The following INTS15 variants were observed in gnomAD, a reference collection of about 807,000 sequenced individuals.
INTS15 encodes the protein integrator complex subunit 15.
At chr7:6,601,699 CA>C in the INTS15 span, among the ~76,000 whole-genome samples, 1 of 151,808 alleles carries the variant, frequency 6.6e-6, no homozygotes, top group African/African-American at 2.4e-5. Context: ...CTCTGTTGCC[CA>C]GTCTGGAGTG....
the INTS15 span, among the ~76,000 whole-genome samples, chr7:6,600,897 A>G: frequency 4.6e-5 from 7 of 152,158 alleles, no homozygotes; most frequent in Non-Finnish European, 7.4e-5. Flanking sequence ...TCTACCATCC[A>G]AAGTGCTGGG....
chr7:6,596,632 G>T, the INTS15 span, among the ~76,000 whole-genome samples: 1 of 151,902 alleles, frequency 6.6e-6, no homozygotes, highest in East Asian at 1.9e-4. Context: ...ACCTGGCTCA[G>T]TCTCCCAAAG....
the INTS15 span, among the ~76,000 whole-genome samples, chr7:6,603,956 C>T: frequency 2.6e-5 from 4 of 151,656 alleles, no homozygotes; most frequent in African/African-American, 4.8e-5. Flanking sequence ...GAGTTGTGGT[C>T]GCAACTGTAC....
At chr7:6,599,722 T>G in the INTS15 span, 3 of 1,064,792 alleles carry the variant, frequency 2.8e-6, no homozygotes, top group Non-Finnish European at 4.2e-6. Context: ...ATCCAGACCA[T>G]CAGGTGGGCA....
chr7:6,606,978 C>T, the INTS15 span, among the ~76,000 whole-genome samples: 6 of 152,100 alleles, frequency 3.9e-5, no homozygotes, highest in East Asian at 3.9e-4. Context: ...GCATTACAGG[C>T]GTGAGCCACC....
the INTS15 span, among the ~76,000 whole-genome samples, chr7:6,592,326 G>T: frequency 6.6e-6 from 1 of 152,044 alleles, no homozygotes; most frequent in African/African-American, 2.4e-5. Context: ...AGCACTTTGG[G>T]AGGCCGAAGG....
At chr7:6,593,996 T>TAAA in the INTS15 span, among the ~76,000 whole-genome samples, 3 of 138,236 alleles carry the variant, frequency 2.2e-5, no homozygotes, top group East Asian at 4.1e-4. Context: ...AGTGTAAGCC[T>TAAA]TTAACTTTTT....
At chr7:6,591,250 C>T in the INTS15 span, among the ~76,000 whole-genome samples, 1 of 150,224 alleles carries the variant, frequency 6.7e-6, no homozygotes, top group Non-Finnish European at 1.5e-5. Context: ...CGGGAAAATA[C>T]TGTTATTTCC....
chr7:6,594,305 C>T, the INTS15 span: 2 of 904,772 alleles, frequency 2.2e-6, no homozygotes, highest in Non-Finnish European at 3.5e-6. Flanking sequence ...CACACTCGGC[C>T]CCATTAACAT....
chr7:6,593,668 A>C, the INTS15 span, among the ~76,000 whole-genome samples: 1 of 95,118 alleles, frequency 1.1e-5, no homozygotes, highest in Non-Finnish European at 2.0e-5. Flanking sequence ...TTTTTTTTTG[A>C]GACGGTCTTG....
At chr7:6,602,817 A>C in the INTS15 span, 6 of 462,648 alleles carry the variant, frequency 1.3e-5, no homozygotes, top group Non-Finnish European at 2.7e-5. Flanking sequence ...CCAAAAGTCC[A>C]TATGTCCTTG....
At chr7:6,591,778 A>T in the INTS15 span, 2 of 1,614,154 alleles carry the variant, frequency 1.2e-6, no homozygotes, top group Non-Finnish European at 1.7e-6. Flanking sequence ...AGCCGATGAC[A>T]GCCGGATGAG....
At chr7:6,599,081 A>G in the INTS15 span, among the ~76,000 whole-genome samples, 2 of 152,108 alleles carry the variant, frequency 1.3e-5, no homozygotes, top group African/African-American at 4.8e-5. Context: ...AGCCTGGGCC[A>G]TATACTTTCG....
the INTS15 span, chr7:6,607,772 G>T: frequency 6.7e-7 from 1 of 1,482,502 alleles, no homozygotes; most frequent in Non-Finnish European, 8.9e-7. This position sits in a 1 kb window ranked among gnomAD's most constrained non-coding sequence, Gnocchi z 6.0. Flanking sequence ...CCACTCCCAC[G>T]CATCCTCGCC....
the INTS15 span, chr7:6,608,443 G>C: frequency 1.5e-6 from 2 of 1,310,672 alleles, no homozygotes; most frequent in African/African-American, 3.1e-5. Context: ...GCGCATTTCA[G>C]ACACAGCCTG....
chr7:6,607,458 G>A, the INTS15 span: 15 of 1,117,472 alleles, frequency 1.3e-5, no homozygotes, highest in Non-Finnish European at 1.7e-5. This position sits in a 1 kb window ranked among gnomAD's most constrained non-coding sequence, Gnocchi z 6.0. Context: ...AGGTGGGTGG[G>A]TCCCGGAGGT....
the INTS15 span, chr7:6,607,515 C>T: frequency 5.4e-6 from 7 of 1,307,458 alleles, no homozygotes; most frequent in Non-Finnish European, 7.1e-6. The surrounding 1 kb of genome is among the most constrained non-coding windows in gnomAD (Gnocchi z 6.0). Flanking sequence ...GGGGGCCGCA[C>T]CGGACTCATT....
chr7:6,601,936 C>T, the INTS15 span, among the ~76,000 whole-genome samples: 28 of 152,318 alleles, frequency 1.8e-4, no homozygotes, highest in African/African-American at 5.5e-4. Context: ...GGAATACAGG[C>T]GTGAGCCACT....
chr7:6,599,474 G>T, the INTS15 span, among the ~76,000 whole-genome samples: 1 of 152,232 alleles, frequency 6.6e-6, no homozygotes, highest in Admixed American at 6.6e-5. Context: ...AAGGGGTGAC[G>T]TGTGGCAGTG....
Sources: gnomAD v4.1 joint callset for allele counts (sites outside exome capture counted in the v4.1 genomes callset) on GRCh38, gnomAD v4.1.1 for gene constraint, Gnocchi (gnomAD v3.1) non-coding constraint, MANE v1.5 for transcripts, NCBI Gene and HGNC (gene_info 2026-07-23, HGNC 2026-07-21) for gene names.